Variants in GPR149 observed in about 807,000 individuals in gnomAD.
The protein encoded by GPR149 is G protein-coupled receptor 149, also known as probable G protein-coupled receptor 149.
In GPR149, 50 loss-of-function variants were observed where a neutral mutation model predicts 50.2. That is an observed-to-expected ratio of 1.00 (90% confidence interval 0.79 to 1.26). GPR149 has a LOEUF of 1.26. GPR149 is among the 50% of genes most tolerant of loss of function. The pLI, the probability that GPR149 is intolerant of heterozygous loss-of-function variation, is 0.00. For missense variants in GPR149, 983 were observed against 895.4 expected (o/e 1.10, Z -1.25); for synonymous variants, 405 against 358.2 (o/e 1.13, Z -1.48).
chr3:154,421,267 G>A lies in GPR149; in HGVS notation c.1395C>T (p.Ser465=), dbSNP rs1380398501. The A allele has an allele frequency of 6.2e-7, 1 of 1,613,300 alleles. No homozygotes were observed. The highest frequency in any genetic ancestry group is 1.1e-5 in the South Asian group (1 of 91,060). ...TGCATTTGTTGATGCCTCTTTGTGT[G>A]GAGCTGTCCAGAGAGGGCGTGGTGC... is the stretch of plus-strand genomic sequence containing the variant. ...EISTTPSLDS[S]TQRGINKCTN... is the part of the protein sequence containing the mutation. Residue 465 remains serine, a synonymous_variant, in exon 3 of 4, where the codon TCC becomes TCT. Transcript: ENST00000389740.
chr3:154,429,644 A>G lies in GPR149; in HGVS notation c.-29T>C, dbSNP rs766306563. On this transcript the variant is annotated 5_prime_UTR_variant, in exon 1 of 4. Coordinates refer to ENST00000389740, the MANE Select transcript of GPR149 (RefSeq NM_001038705.3). ...CCTTGGTCAATATTTAATTTCCCTT[A>G]TCAATGAGTCTGATAATTTTCTCAA... is the stretch of plus-strand genomic sequence containing the variant. The G allele has an allele frequency of 6.3e-7, 1 of 1,577,108 alleles. No homozygotes were observed. Among genetic ancestry groups the G allele is most frequent in the South Asian group, 1.2e-5 (1 of 86,226 alleles).
intron 3 of GPR149, among the ~76,000 whole-genome samples, chr3:154,402,605 A>T (rs1216468078): frequency 6.6e-6 from 1 of 152,016 alleles, no homozygotes; most frequent in Non-Finnish European, 1.5e-5. Context: ...CCAAGAAAAA[A>T]AAAGCTGTAA....
intron 3 of GPR149, among the ~76,000 whole-genome samples, chr3:154,366,034 A>G (rs903545232): frequency 2.0e-5 from 3 of 152,198 alleles, no homozygotes; most frequent in Admixed American, 6.5e-5. Flanking sequence ...ATTTTCAGGT[A>G]TTTGTTATAA....
chr3:154,396,676 TA>T (rs946167552), intron 3 of GPR149, among the ~76,000 whole-genome samples: 6 of 151,954 alleles, frequency 3.9e-5, no homozygotes, highest in African/African-American at 1.4e-4. Context: ...AAAATATTTT[TA>T]GGAATATAAA....
chr3:154,388,871 A>AACACACACACAC (rs58641317), intron 3 of GPR149, among the ~76,000 whole-genome samples: 3 of 144,842 alleles, frequency 2.1e-5, no homozygotes, highest in African/African-American at 7.6e-5. Context: ...ACATATGAAA[A>AACACACACACAC]ACACACACAC....
intron 3 of GPR149, among the ~76,000 whole-genome samples, chr3:154,358,459 T>A (rs1275027669): frequency 6.6e-6 from 1 of 151,972 alleles, no homozygotes; most frequent in Non-Finnish European, 1.5e-5. Flanking sequence ...CTAAAAAAAA[T>A]TAAAATCACC....
intron 3 of GPR149, among the ~76,000 whole-genome samples, chr3:154,346,942 AT>A (rs969383284): frequency 3.9e-5 from 6 of 152,170 alleles, no homozygotes; most frequent in African/African-American, 9.6e-5. Flanking sequence ...TGAGTAACAG[AT>A]TTTTAGGATT....
intron 3 of GPR149, among the ~76,000 whole-genome samples, chr3:154,351,704 C>T (rs1318511488): frequency 6.6e-6 from 1 of 152,100 alleles, no homozygotes; most frequent in African/African-American, 2.4e-5. Context: ...TGTTTGGCTC[C>T]TTACAGTCCT....
intron 3 of GPR149, among the ~76,000 whole-genome samples, chr3:154,402,207 G>A (rs1188771943): frequency 1.3e-5 from 2 of 152,082 alleles, no homozygotes; most frequent in African/African-American, 4.8e-5. Flanking sequence ...TGTTGCTGAT[G>A]TCCTTAAAGC....
chr3:154,376,732 A>G (rs1033987457), intron 3 of GPR149, among the ~76,000 whole-genome samples: 1 of 152,182 alleles, frequency 6.6e-6, no homozygotes, highest in African/African-American at 2.4e-5. Flanking sequence ...TATAACATGG[A>G]AGATAAAATG....
At chr3:154,391,815 T>C (rs888116053) in intron 3 of GPR149, among the ~76,000 whole-genome samples, 2 of 151,542 alleles carry the variant, frequency 1.3e-5, no homozygotes, top group Non-Finnish European at 3.0e-5. Flanking sequence ...AGGCCAAAAG[T>C]GTAGGGATGG....
chr3:154,353,458 C>G, intron 3 of GPR149: 1 of 946,116 alleles, frequency 1.1e-6, no homozygotes. Flanking sequence ...AACGTTTGAT[C>G]CACTTCATCA....
chr3:154,390,719 C>T (rs73000728), intron 3 of GPR149, among the ~76,000 whole-genome samples: 2,909 of 152,100 alleles, frequency 0.019, 80 homozygotes, highest in African/African-American at 0.067. Flanking sequence ...CAAGGATGTT[C>T]CACAAATTCA....
intron 3 of GPR149, among the ~76,000 whole-genome samples, chr3:154,408,610 C>T (rs1027110659): frequency 3.3e-4 from 50 of 152,278 alleles, no homozygotes; most frequent in African/African-American, 1.0e-3. Context: ...AGCCATAATC[C>T]TCTCCTTGGG....
chr3:154,409,046 T>A (rs1311654932), intron 3 of GPR149, among the ~76,000 whole-genome samples: 1 of 152,210 alleles, frequency 6.6e-6, no homozygotes, highest in Non-Finnish European at 1.5e-5. Context: ...GATGATCACA[T>A]CACAGGACTC....
At chr3:154,400,789 C>T (rs1210184936) in intron 3 of GPR149, among the ~76,000 whole-genome samples, 3 of 152,222 alleles carry the variant, frequency 2.0e-5, no homozygotes, top group Non-Finnish European at 4.4e-5. Context: ...CGATTTAAAG[C>T]TCAGGCCTGC....
chr3:154,353,296 G>A (rs1714131261), intron 3 of GPR149: 3 of 1,419,704 alleles, frequency 2.1e-6, no homozygotes, highest in African/African-American at 2.8e-5. Flanking sequence ...AGGTCAACCT[G>A]TTCATATCTG....
intron 3 of GPR149, 88 bp downstream of exon 3, chr3:154,420,951 G>T: frequency 1.0e-6 from 1 of 955,452 alleles, no homozygotes; most frequent in South Asian, 1.7e-5. Context: ...GGGCTTGATT[G>T]AATAAAACAA....
At chr3:154,378,087 C>G (rs1223260743) in intron 3 of GPR149, among the ~76,000 whole-genome samples, 2 of 126,108 alleles carry the variant, frequency 1.6e-5, no homozygotes, top group East Asian at 3.8e-4. Flanking sequence ...ATCCCCCCCC[C>G]CTTTTTTTTT....
Sources: gnomAD v4.1 joint callset for allele counts (sites outside exome capture counted in the v4.1 genomes callset) on GRCh38, gnomAD v4.1.1 for gene constraint, MANE v1.5 for transcripts, NCBI Gene and HGNC (gene_info 2026-07-23, HGNC 2026-07-21) for gene names.